Variants in HDAC3 observed in about 807,000 individuals in gnomAD.
The protein encoded by HDAC3 is histone deacetylase 3.
A neutral mutation model predicts 62.3 loss-of-function variants in HDAC3; 21 were observed. The ratio of observed to expected loss-of-function variants is 0.34; its 90% confidence interval spans 0.24 to 0.49. The LOEUF is 0.49. HDAC3 is among the 20% of genes least tolerant of loss of function. The pLI, the probability that HDAC3 is intolerant of heterozygous loss-of-function variation, is 0.99. For missense variants in HDAC3, 270 were observed against 556.9 expected, an observed-to-expected ratio of 0.48 and a Z score of 5.19; for synonymous variants, 198 against 206.5, an observed-to-expected ratio of 0.96 and a Z score of 0.35.
intron 2 of HDAC3, chr5:141,635,844 C>G (rs936239962): frequency 1.3e-5 from 2 of 152,238 alleles, no homozygotes; most frequent in Non-Finnish European, 2.9e-5. Context: ...TGGCCTCAAG[C>G]GATCCCCCCC....
chr5:141,629,491 G>A lies in HDAC3; in HGVS notation c.477-185C>T. Reference sequence around the variant, plus strand: ...AGGCTAGAGGCAGGGACAGGAGAGGGATATGCAGAGAAGGCTGAAATGTGA... The same window carrying A: ...AGGCTAGAGGCAGGGACAGGAGAGGAATATGCAGAGAAGGCTGAAATGTGA... On this transcript the variant is annotated intron_variant, in intron 6 of 14. Coordinates refer to ENST00000305264, the MANE Select transcript of HDAC3 (RefSeq NM_003883.4). This position sits in a 1 kb window ranked among gnomAD's most constrained non-coding sequence, Gnocchi z 5.3. 2 of 909,504 alleles carry A rather than the reference G, an allele frequency of 2.2e-6. No individual in the cohort carries two copies. Among genetic ancestry groups the A allele is most frequent in the Non-Finnish European group, 3.4e-6 (2 of 591,646 alleles). 56.3% of individuals were successfully genotyped at this position (909,504 alleles called of 1,614,324 possible). A position where few individuals can be genotyped will look rare whatever the true frequency, so the allele number is the denominator to read the frequency against.
At chr5:141,634,703 G>T (rs2154598056) in intron 3 of HDAC3, 108 bp downstream of exon 3, 1 of 985,500 alleles carries the variant, frequency 1.0e-6, no homozygotes, top group Non-Finnish European at 1.5e-6. Flanking sequence ...GAATTATGAT[G>T]CATTGACAAG....
At chr5:141,633,687 A>C (rs961426534) in intron 3 of HDAC3, among the ~76,000 whole-genome samples, 5 of 151,854 alleles carry the variant, frequency 3.3e-5, no homozygotes, top group African/African-American at 1.2e-4. Flanking sequence ...TTAGCCAGGC[A>C]TGGTGGCAGG....
At chr5:141,624,955 A>G in intron 14 of HDAC3, 1 of 430,942 alleles carries the variant, frequency 2.3e-6, no homozygotes, top group Non-Finnish European at 4.1e-6. Context: ...AACTATTAAC[A>G]GTGGTTACTC....
In HDAC3 at chr5:141,628,606, C is replaced by T. The variant is rs1016594468; in HGVS notation, c.644G>A (p.Arg215His). 12 of 1,614,098 alleles carry T rather than the reference C, an allele frequency of 7.4e-6. No individual in the cohort carries two copies. Among genetic ancestry groups the T allele is most frequent in the South Asian group, 1.1e-5 (1 of 91,076 alleles). Residue 215 changes from arginine to histidine, a missense_variant, in exon 8 of 15, where the codon CGC becomes CAC. By Grantham distance (29) the Arg-to-His change is conservative (BLOSUM62 0). Around this residue, in one of 5 missense-constraint regions of HDAC3, gnomAD observed 156 missense variants for 383.9 expected, o/e 0.41. Coordinates refer to ENST00000305264, the MANE Select transcript of HDAC3 (RefSeq NM_003883.4). This position sits in a 1 kb window ranked among gnomAD's most constrained non-coding sequence, Gnocchi z 4.7. ...DMYEVGAESG[R>H]YYCLNVPLRD... ...CAGGGGCACGTTCAGACAGTAGTAGCGGCCACTCTCTGCCCCGACTTCATA... is the reference window on the plus strand; with the variant it reads ...CAGGGGCACGTTCAGACAGTAGTAGTGGCCACTCTCTGCCCCGACTTCATA...
At chr5:141,621,671 C>T in intron 14 of HDAC3, 134 bp from the exon 15 acceptor site, 2 of 668,984 alleles carry the variant, frequency 3.0e-6, no homozygotes, top group Non-Finnish European at 5.3e-6. Context: ...GCTATTCATT[C>T]ACCCATTCAC....
In HDAC3 at chr5:141,625,164, C is replaced by G; in HGVS notation, c.1217+44G>C. The stretch of plus-strand genomic sequence containing the variant: ...TTTACTTTTTCCCTTTTAAACCTCC[C>G]CAGCAAGCCTATTGAAAGTAGGCTG... On this transcript the variant is annotated intron_variant, in intron 14 of 14. Coordinates refer to ENST00000305264, the MANE Select transcript of HDAC3 (RefSeq NM_003883.4). This position sits in a 1 kb window ranked among gnomAD's most constrained non-coding sequence, Gnocchi z 4.0. The G allele has an allele frequency of 6.4e-7, 1 of 1,550,870 alleles. No homozygotes were observed. Among genetic ancestry groups the G allele is most frequent in the Non-Finnish European group, 8.7e-7 (1 of 1,154,338 alleles).
At chr5:141,636,126 T>C (rs1249678082) in intron 2 of HDAC3, 2 of 195,966 alleles carry the variant, frequency 1.0e-5, no homozygotes, top group Non-Finnish European at 2.2e-5. Flanking sequence ...CCCTAGCTCC[T>C]TGGAGGTAAA....
chr5:141,628,469 G>A lies in HDAC3; in HGVS notation c.691+90C>T. 9.4e-7 allele frequency: 1 copy of A among 1,062,540 alleles called. No homozygotes were observed. The allele number at this position is 1,062,540 out of a possible 1,614,324, so 65.8% of individuals were successfully genotyped here. A position where few individuals can be genotyped will look rare whatever the true frequency, so the allele number is the denominator to read the frequency against. On this transcript the variant is annotated intron_variant, in intron 8 of 14. Coordinates refer to ENST00000305264, the MANE Select transcript of HDAC3 (RefSeq NM_003883.4). This position sits in a 1 kb window ranked among gnomAD's most constrained non-coding sequence, Gnocchi z 4.7. ...GGCCATTCATCCTTAAGGACAACTG[G>A]CCCAACAGCAGACAATACCAGGCAG...
Position 141,625,453 on chromosome 5 carries a change from C to T in HDAC3, c.1060-88G>A. The T allele has an allele frequency of 6.8e-7, 1 of 1,463,068 alleles. No homozygotes were observed. The highest frequency in any genetic ancestry group is 9.5e-7 in the Non-Finnish European group (1 of 1,049,766). The allele number at this position is 1,463,068 out of a possible 1,614,324, so 90.6% of individuals were successfully genotyped here. The stretch of plus-strand genomic sequence containing the variant: ...CTAGCTGCCTTTTACCCCTACCATA[C>T]TGGTTTTCATCTCAGTGGTACCTCT... On this transcript the variant is annotated intron_variant, in intron 13 of 14. Transcript: ENST00000305264. The surrounding 1 kb of genome is among the most constrained non-coding windows in gnomAD (Gnocchi z 4.0).
chr5:141,632,501 A>G lies in HDAC3; in HGVS notation c.281+2310T>C, dbSNP rs184309463. ...TTTGACAGGAAGACTGATGCAGCAT[A>G]AATAGCCCAGAGATAGTATTCTAAT... On this transcript the variant is annotated intron_variant, in intron 3 of 14. Transcript: ENST00000305264. 2.6e-5 allele frequency among the ~76,000 whole-genome samples: 4 copies of G among 152,322 alleles called. No individual in the cohort carries two copies. The East Asian group carries it at 7.7e-4, about 29-fold the overall frequency.
intron 3 of HDAC3, 27 bp from the exon 4 acceptor site, chr5:141,630,152 C>T (rs148704546): frequency 3.6e-4 from 573 of 1,607,408 alleles, no homozygotes; most frequent in Non-Finnish European, 4.6e-4. Flanking sequence ...CAAGTTGGAA[C>T]CCTCCTGCCT....
rs778977840 is a variant in HDAC3, at chr5:141,629,356, C to T, written c.477-50G>A. The T allele has an allele frequency of 1.2e-6, 2 of 1,611,420 alleles. No homozygotes were observed. The highest frequency in any genetic ancestry group is 2.7e-5 in the African/African-American group (2 of 74,840). On this transcript the variant is annotated intron_variant, in intron 6 of 14. Coordinates refer to ENST00000305264, the MANE Select transcript of HDAC3 (RefSeq NM_003883.4). This position sits in a 1 kb window ranked among gnomAD's most constrained non-coding sequence, Gnocchi z 5.3. ...CTGAGCTAGAAGTGAACCCCCCAAC[C>T]CACTCCTCTCAAACACCGGGTCTCG...
Position 141,621,314 on chromosome 5 carries a change from A to G in HDAC3, c.*154T>C. On this transcript the variant is annotated 3_prime_UTR_variant, in exon 15 of 15. Transcript: ENST00000305264. ...TGGGAGAGAGAGGAAAAGCAGGTAG[A>G]TGGTTCGAGAACCAAATGTGGTCTC... is the stretch of plus-strand genomic sequence containing the variant. The G allele has an allele frequency of 1.5e-6, 1 of 674,732 alleles. No homozygotes were observed. The highest frequency in any genetic ancestry group is 2.7e-5 in the Admixed American group (1 of 36,608). 41.8% of individuals were successfully genotyped at this position (674,732 alleles called of 1,614,324 possible).
rs1284518391 is a variant in HDAC3, at chr5:141,626,501, C to A, written c.831-218G>T. On this transcript the variant is annotated intron_variant, in intron 10 of 14. Coordinates refer to ENST00000305264, the MANE Select transcript of HDAC3 (RefSeq NM_003883.4). This position sits in a 1 kb window ranked among gnomAD's most constrained non-coding sequence, Gnocchi z 4.6. Reference sequence around the variant, plus strand: ...AATAAAGCACAGTCCCCCCTCTGTTCTGCTCAACACCCTCCCTGGCACCCT... The same window carrying A: ...AATAAAGCACAGTCCCCCCTCTGTTATGCTCAACACCCTCCCTGGCACCCT... The A allele has an allele frequency of 7.4e-6, 4 of 539,562 alleles. No individual in the cohort carries two copies. Among genetic ancestry groups the A allele is most frequent in the Non-Finnish European group, 1.3e-5 (4 of 300,316 alleles). 33.4% of individuals were successfully genotyped at this position (539,562 alleles called of 1,614,324 possible).
Position 141,629,051 on chromosome 5 carries a change from AGT to A in HDAC3, c.610+120_610+121del. ...GGAAGGAGGTGATTATGATAACTGGAGTGGTAAGGAAAGGCTTCTCTGAGGAG... is the reference window on the plus strand; with the variant it reads ...GGAAGGAGGTGATTATGATAACTGGAGGTAAGGAAAGGCTTCTCTGAGGAG... On this transcript the variant is annotated intron_variant, in intron 7 of 14. Coordinates refer to ENST00000305264, the MANE Select transcript of HDAC3 (RefSeq NM_003883.4). This position sits in a 1 kb window ranked among gnomAD's most constrained non-coding sequence, Gnocchi z 5.3. The A allele has an allele frequency of 1.1e-6, 1 of 899,380 alleles. No individual in the cohort carries two copies. Among genetic ancestry groups the A allele is most frequent in the Non-Finnish European group, 1.7e-6 (1 of 581,778 alleles). 55.7% of individuals were successfully genotyped at this position (899,380 alleles called of 1,614,324 possible).
In HDAC3 at chr5:141,625,570, CTGTGAT is replaced by C. The variant is rs2099904321; in HGVS notation, c.1059+109_1059+114del. The C allele has an allele frequency of 8.5e-7, 1 of 1,176,634 alleles. No homozygotes were observed. Among genetic ancestry groups the C allele is most frequent in the African/African-American group, 1.5e-5 (1 of 66,022 alleles). 72.9% of individuals were successfully genotyped at this position (1,176,634 alleles called of 1,614,324 possible). On this transcript the variant is annotated intron_variant, in intron 13 of 14. Transcript: ENST00000305264. The surrounding 1 kb of genome is among the most constrained non-coding windows in gnomAD (Gnocchi z 4.0). The stretch of plus-strand genomic sequence containing the variant: ...ACTGCCTCCTAGTCAATAACAGTGA[CTGTGAT>C]GGCTTAGAACTTCCTTCTCTTTGGT...
In HDAC3 at chr5:141,629,225, C is replaced by A. The variant is rs1473516499; in HGVS notation, c.558G>T (p.Arg186=). ...ATTTGTGGAAGGACACCGTCATGAC[C>A]CGGTCAGTGAGGTAGAAAGCTTCTT... ...GVQEAFYLTD[R]VMTVSFHKYG... Residue 186 remains arginine (R), a synonymous_variant, in exon 7 of 15, where the codon CGG becomes CGT. Transcript: ENST00000305264. The surrounding 1 kb of genome is among the most constrained non-coding windows in gnomAD (Gnocchi z 5.3). 3 of 1,614,142 alleles carry A rather than the reference C, an allele frequency of 1.9e-6. No individual in the cohort carries two copies. The highest frequency in any genetic ancestry group is 2.5e-6 in the Non-Finnish European group (3 of 1,180,028).
chr5:141,634,446 C>T (rs2099905686), intron 3 of HDAC3, among the ~76,000 whole-genome samples: 1 of 152,112 alleles, frequency 6.6e-6, no homozygotes, highest in Non-Finnish European at 1.5e-5. Context: ...TACTTCTACT[C>T]TTTTTTCAGA....
Sources: gnomAD v4.1 joint callset for allele counts (sites outside exome capture counted in the v4.1 genomes callset) on GRCh38, gnomAD v4.1.1 for gene constraint, gnomAD v4.1.1 regional missense constraint, Gnocchi (gnomAD v3.1) non-coding constraint, MANE v1.5 for transcripts, NCBI Gene and HGNC (gene_info 2026-07-23, HGNC 2026-07-21) for gene names.